The following RNPS1 variants were observed in gnomAD, a reference collection of about 807,000 sequenced individuals.
RNPS1 encodes the protein RNA binding protein with serine rich domain 1.
For synonymous variants in RNPS1, 147 were observed against 150.0 expected (o/e 0.98, Z 0.15); for missense variants, 300 against 427.6 (o/e 0.70, Z 2.63).
intron 6 of RNPS1, among the ~76,000 whole-genome samples, chr16:2,261,474 C>T (rs961497501): frequency 2.6e-5 from 4 of 152,246 alleles, no homozygotes; most frequent in Non-Finnish European, 4.4e-5. Context: ...TACAATGCTT[C>T]ATCTCCCTAC....
intron 6 of RNPS1, among the ~76,000 whole-genome samples, chr16:2,259,413 T>C (rs2093592854): frequency 6.6e-6 from 1 of 152,260 alleles, no homozygotes; most frequent in African/African-American, 2.4e-5. Flanking sequence ...ATTGTGTCTT[T>C]AACTATGGCT....
intron 1 of RNPS1, chr16:2,267,396 C>G: frequency 1.0e-6 from 1 of 984,250 alleles, no homozygotes; most frequent in Non-Finnish European, 1.2e-6. Context: ...CTCCAACAAA[C>G]TTAACCTTCC....
In RNPS1 at chr16:2,262,406, G is replaced by A; in HGVS notation, c.548C>T (p.Thr183Ile). Reference sequence around the variant, plus strand: ...GTCAATCATTTTAATTTTCCCATAGGTGGAAAATATCTCCATGATGTGATC... The same window carrying A: ...GTCAATCATTTTAATTTTCCCATAGATGGAAAATATCTCCATGATGTGATC... ...TKDHIMEIFS[T>I]YGKIKMIDMP... The change falls in exon 6 of 8, where the codon ACC becomes ATC. Residue 183 changes from threonine (T) to isoleucine (I), a missense_variant. Thr to Ile is a moderately conservative substitution (Grantham distance 89, BLOSUM62 -1). Coordinates refer to ENST00000320225, the MANE Select transcript of RNPS1 (RefSeq NM_080594.4). 6.2e-7 allele frequency: 1 copy of A among 1,614,034 alleles called. No individual in the cohort carries two copies. The highest frequency in any genetic ancestry group is 8.5e-7 in the Non-Finnish European group (1 of 1,179,984).
At chr16:2,259,928 G>A (rs373371546) in intron 6 of RNPS1, among the ~76,000 whole-genome samples, 1 of 152,106 alleles carries the variant, frequency 6.6e-6, no homozygotes, top group Non-Finnish European at 1.5e-5. Context: ...TATCAAGCAG[G>A]GCAGAAATTA....
Position 2,264,760 on chromosome 16 carries a change from C to G in RNPS1, c.-117G>C. 2 of 1,542,212 alleles carry G rather than the reference C, an allele frequency of 1.3e-6. No homozygotes were observed. Among genetic ancestry groups the G allele is most frequent in the Non-Finnish European group, 1.7e-6 (2 of 1,152,574 alleles). ...GATTGCAATTTACGCCAAAGAGCAG[C>G]CTAATAACAAGATAAAAGGGTTTAA... On this transcript the variant is annotated splice_region_variant and 5_prime_UTR_variant, in exon 2 of 8. An upstream start codon of the reference 5' UTR is lost. Coordinates refer to ENST00000320225, the MANE Select transcript of RNPS1 (RefSeq NM_080594.4).
At chr16:2,258,235 T>C (rs2093587229) in intron 6 of RNPS1, 1 of 152,220 alleles carries the variant, frequency 6.6e-6, no homozygotes, top group African/African-American at 2.4e-5. Context: ...AATATTCCCA[T>C]ATAAAAAGCC....
intron 6 of RNPS1, 56 bp from the exon 7 acceptor site, chr16:2,255,782 T>C: frequency 3.8e-6 from 6 of 1,565,174 alleles, no homozygotes; most frequent in African/African-American, 1.3e-5. Context: ...CCCTAGACAA[T>C]GCATGCCACA....
intron 1 of RNPS1, chr16:2,265,855 A>G (rs1344480365): frequency 6.5e-6 from 1 of 152,816 alleles, no homozygotes; most frequent in Non-Finnish European, 1.5e-5. Flanking sequence ...TTTTTCAAAA[A>G]TAAGATGGAG....
chr16:2,255,642 C>G lies in RNPS1; in HGVS notation c.761G>C (p.Arg254Thr), dbSNP rs1329008927. 1 of 1,611,170 alleles carries G rather than the reference C, an allele frequency of 6.2e-7. No individual in the cohort carries two copies. ...CATAGGCGGTGGTGGCAACATTCTC[C>G]TGGGAGGGCTGAATCTCCTGGGGGG... is the stretch of plus-strand genomic sequence containing the variant. ...RPPPRRFSPP[R>T]RMLPPPPMWR... Residue 254 changes from arginine (R) to threonine (T), a missense_variant, in exon 7 of 8, where the codon AGG becomes ACG. Physicochemically the swap from Arg to Thr is moderately conservative, Grantham distance 71. Coordinates refer to ENST00000320225, the MANE Select transcript of RNPS1 (RefSeq NM_080594.4).
At position 2,264,344 on chromosome 16, in the gene RNPS1, G is replaced by C; in HGVS notation, c.72-13C>G. On this transcript the variant is annotated splice_polypyrimidine_tract_variant and intron_variant, in intron 2 of 7. Coordinates refer to ENST00000320225, the MANE Select transcript of RNPS1 (RefSeq NM_080594.4). ...AGGTGAAGGAGCCCTGGATGGTGAG[G>C]AAGAGTGTGAGATTGCGTGCTCCTC... 1.2e-6 allele frequency: 2 copies of C among 1,614,132 alleles called. No individual in the cohort carries two copies. Among genetic ancestry groups the C allele is most frequent in the Non-Finnish European group, 1.7e-6 (2 of 1,180,022 alleles).
At chr16:2,258,663 T>C (rs929407075) in intron 6 of RNPS1, 1 of 152,036 alleles carries the variant, frequency 6.6e-6, no homozygotes, top group Non-Finnish European at 1.5e-5. Context: ...GAGGTGGAAG[T>C]TGCAGTGAGC....
chr16:2,256,054 G>C (rs139587660), intron 6 of RNPS1: 79 of 301,700 alleles, frequency 2.6e-4, no homozygotes, highest in African/African-American at 1.5e-3. Context: ...GAACCCGGGA[G>C]GCAGAGGCTG....
At chr16:2,266,490 C>G (rs1367585195) in intron 1 of RNPS1, 3 of 947,830 alleles carry the variant, frequency 3.2e-6, no homozygotes, top group Non-Finnish European at 3.8e-6. Context: ...CTTATCCTTT[C>G]TCAAGTTTCT....
In RNPS1 at chr16:2,263,154, A is replaced by G. The variant is rs2093610263; in HGVS notation, c.361T>C (p.Ser121Pro). The change falls in exon 4 of 8, where the codon TCT becomes CCT. Residue 121 changes from serine to proline, a missense_variant. By Grantham distance (74) the Ser-to-Pro change is moderately conservative. Coordinates refer to ENST00000320225, the MANE Select transcript of RNPS1 (RefSeq NM_080594.4). ...TSRSSSSSSS[S>P]GSPSPSRRRH... Reference sequence around the variant, plus strand: ...CGCCGAGAAGGACTTGGAGAGCCAGAAGAGCTGCTAGAGCTGGAGCTGCGG... The same window carrying G: ...CGCCGAGAAGGACTTGGAGAGCCAGGAGAGCTGCTAGAGCTGGAGCTGCGG... 1.2e-6 allele frequency: 2 copies of G among 1,613,678 alleles called. No individual in the cohort carries two copies. Among genetic ancestry groups the G allele is most frequent in the African/African-American group, 1.3e-5 (1 of 74,892 alleles).
At chr16:2,261,521 T>C (rs2093602995) in intron 6 of RNPS1, among the ~76,000 whole-genome samples, 1 of 152,176 alleles carries the variant, frequency 6.6e-6, no homozygotes, top group Non-Finnish European at 1.5e-5. Flanking sequence ...ACATGCATGA[T>C]AAAAAGCATG....
chr16:2,267,865 G>A (rs1247972944), intron 1 of RNPS1, 190 bp downstream of exon 1: 4 of 1,517,376 alleles, frequency 2.6e-6, no homozygotes, highest in Non-Finnish European at 3.5e-6. Context: ...GACCACTTCC[G>A]GGCCACGGCC....
chr16:2,267,831 C>A, intron 1 of RNPS1: 1 of 1,501,912 alleles, frequency 6.7e-7, no homozygotes, highest in Non-Finnish European at 8.8e-7. Flanking sequence ...GAAGCACAGG[C>A]GCCCTTCCGT....
chr16:2,261,034 G>A (rs539352799), intron 6 of RNPS1, among the ~76,000 whole-genome samples: 270 of 152,236 alleles, frequency 1.8e-3, no homozygotes, highest in Non-Finnish European at 2.7e-3. Context: ...GGAGGCTGAG[G>A]GAGGAGAATG....
In RNPS1 at chr16:2,263,116, G is replaced by C; in HGVS notation, c.399C>G (p.Asn133Lys). ...CTCACTTGGAGCGGGAGCGCCTCCT[G>C]TTGTCGTGTCTGCGCCGAGAAGGAC... is the stretch of plus-strand genomic sequence containing the variant. ...SPSPSRRRHD[N>K]RRRSRSKSKP... The change falls in exon 4 of 8, where the codon AAC (asparagine) becomes AAG (lysine). Residue 133 changes from asparagine to lysine, a missense_variant. Transcript: ENST00000320225. 6.2e-7 allele frequency: 1 copy of C among 1,612,970 alleles called. No individual in the cohort carries two copies. The highest frequency in any genetic ancestry group is 8.5e-7 in the Non-Finnish European group (1 of 1,179,866).
Sources: allele counts gnomAD v4.1 joint callset (sites outside exome capture counted in the v4.1 genomes callset), GRCh38; gene constraint gnomAD v4.1.1; transcripts MANE v1.5; gene names NCBI Gene and HGNC (gene_info 2026-07-23, HGNC 2026-07-21).